KIF4A: variants seen among roughly 807,000 people sequenced by gnomAD.
The protein encoded by KIF4A is chromosome-associated kinesin KIF4A.
In KIF4A, 7 loss-of-function variants were observed where a neutral mutation model predicts 105.9. That is an observed-to-expected ratio of 0.07 (90% confidence interval 0.04 to 0.12). KIF4A has a LOEUF of 0.12. KIF4A is among the 10% of genes least tolerant of loss of function. The pLI is 1.00. For synonymous variants in KIF4A, 281 were observed against 331.3 expected, an observed-to-expected ratio of 0.85 and a Z score of 1.65; for missense variants, 558 against 929.2, an observed-to-expected ratio of 0.60 and a Z score of 5.19.
At chrX:70,357,901 T>G (rs1250964246) in intron 15 of KIF4A, among the ~76,000 whole-genome samples, 1 of 110,930 alleles carries the variant, frequency 9.0e-6, no homozygotes, top group East Asian at 2.8e-4. Flanking sequence ...GTTTTTTTGT[T>G]GTTGTTGTTA....
At chrX:70,383,297 G>A (rs1447558668) in intron 18 of KIF4A, among the ~76,000 whole-genome samples, 1 of 111,565 alleles carries the variant, frequency 9.0e-6, no homozygotes, top group East Asian at 2.8e-4. Flanking sequence ...TTTGCCATCA[G>A]AGAAATACAA....
Position 70,333,670 on chromosome X carries a change from A to G in KIF4A, c.1114A>G (p.Thr372Ala). ...QVLLLQAHGG[T>A]LPGSITVEPS... ...CTTGTTGCTACAGGCCCATGGAGGT[A>G]CCCTGCCTGGATCTATAACGTAAGA... Residue 372 changes from threonine (T) to alanine (A), a missense_variant, in exon 10 of 31, where the codon ACC (threonine) becomes GCC (alanine). Physicochemically the swap from Thr to Ala is moderately conservative, Grantham distance 58 (BLOSUM62 0). Coordinates refer to ENST00000374403, the MANE Select transcript of KIF4A (RefSeq NM_012310.5). 1.7e-6 allele frequency: 2 copies of G among 1,187,160 alleles called. No individual in the cohort carries two copies. Among genetic ancestry groups the G allele is most frequent in the Non-Finnish European group, 2.3e-6 (2 of 873,532 alleles).
At chrX:70,385,820 A>G (rs967294996) in intron 18 of KIF4A, among the ~76,000 whole-genome samples, 7 of 112,203 alleles carry the variant, frequency 6.2e-5, no homozygotes, top group African/African-American at 9.7e-5. Flanking sequence ...GGTATTCTTT[A>G]TCTTTAATCT....
chrX:70,354,770 T>C (rs1185491114), intron 15 of KIF4A, among the ~76,000 whole-genome samples: 4 of 111,166 alleles, frequency 3.6e-5, no homozygotes, highest in Non-Finnish European at 7.6e-5. Flanking sequence ...TTCCAGGGGA[T>C]CCCCCAGGGC....
chrX:70,387,405 A>G (rs1296029003), intron 20 of KIF4A, 108 bp downstream of exon 20: 17 of 534,583 alleles, frequency 3.2e-5, no homozygotes, highest in Non-Finnish European at 3.9e-5. Flanking sequence ...TGCAAAATCT[A>G]AAGTTCTACT....
chrX:70,407,225 A>T lies in KIF4A; in HGVS notation c.3255+150A>T, dbSNP rs926392823. On this transcript the variant is annotated intron_variant, in intron 28 of 30. Transcript: ENST00000374403. ...CAAGTTCAAGTAATTCTCGTGTCTC[A>T]GCCTCCTGAGTACCTGGGATCACAG... 7 of 589,613 alleles carry T rather than the reference A, an allele frequency of 1.2e-5. No individual in the cohort carries two copies. The African/African-American group carries it at 1.6e-4, about 14-fold the overall frequency. 48.6% of individuals were successfully genotyped at this position (589,613 alleles called of 1,213,427 possible).
chrX:70,392,837 T>TATA (rs1230666849), intron 20 of KIF4A, among the ~76,000 whole-genome samples: 1,449 of 104,591 alleles, frequency 0.014, 29 homozygotes, highest in African/African-American at 0.046. Flanking sequence ...ACTCTGATCT[T>TATA]ATAATAATAA....
intron 15 of KIF4A, among the ~76,000 whole-genome samples, chrX:70,357,844 G>A (rs984773447): frequency 6.3e-5 from 7 of 110,921 alleles, no homozygotes; most frequent in African/African-American, 1.3e-4. Flanking sequence ...ATTGTCCCCA[G>A]GTGTTACTTA....
chrX:70,352,839 C>T (rs2086036584), intron 14 of KIF4A, among the ~76,000 whole-genome samples, 183 bp downstream of exon 14: 1 of 112,059 alleles, frequency 8.9e-6, no homozygotes, highest in Admixed American at 9.5e-5. Flanking sequence ...GGCTCTACCA[C>T]TAATAGTATA....
At chrX:70,362,413 T>A (rs1057486480) in intron 15 of KIF4A, 1 of 179,445 alleles carries the variant, frequency 5.6e-6, no homozygotes, top group Non-Finnish European at 1.1e-5. Context: ...CCCATTGTAT[T>A]CCTAACTCTA....
intron 15 of KIF4A, among the ~76,000 whole-genome samples, chrX:70,354,411 G>A (rs1417338767): frequency 4.5e-5 from 5 of 112,269 alleles, no homozygotes; most frequent in Non-Finnish European, 1.9e-5. Flanking sequence ...TTGTTTTCCT[G>A]TCCAGCTATA....
intron 7 of KIF4A, among the ~76,000 whole-genome samples, chrX:70,319,628 C>T (rs1463501186): frequency 8.9e-6 from 1 of 111,779 alleles, no homozygotes; most frequent in South Asian, 3.7e-4. Flanking sequence ...ACTATTCTTA[C>T]GTAACTTGTA....
Position 70,375,279 on chromosome X carries a change from G to A in KIF4A, c.1854G>A (p.Glu618=). Residue 618 remains glutamate, a synonymous_variant, in exon 17 of 31, where the codon GAG becomes GAA. Transcript: ENST00000374403. ...QIADLKKKLN[E]QSKLLKLKES... ...CTGATCTGAAGAAGAAACTGAATGA[G>A]CAGTCCAAACTTCTGAAACTAAAGG... The A allele has an allele frequency of 3.3e-6, 4 of 1,210,868 alleles. No homozygotes were observed. The South Asian group carries it at 7.0e-5, about 21-fold the overall frequency.
At chrX:70,400,750 ATAATAGG>A (rs2086278138) in intron 22 of KIF4A, among the ~76,000 whole-genome samples, 1 of 111,530 alleles carries the variant, frequency 9.0e-6, no homozygotes, top group Non-Finnish European at 1.9e-5. Flanking sequence ...TATGTAATGT[ATAATAGG>A]TTTATGTTTT....
At chrX:70,325,826 A>G (rs1202058320) in intron 7 of KIF4A, among the ~76,000 whole-genome samples, 2 of 109,308 alleles carry the variant, frequency 1.8e-5, no homozygotes, top group African/African-American at 6.7e-5. Context: ...TTTCTACTCC[A>G]TTAATAATAA....
chrX:70,290,304 C>T lies in KIF4A; in HGVS notation c.-21-134C>T, dbSNP rs753987532. 6 of 783,847 alleles carry T rather than the reference C, an allele frequency of 7.7e-6. No homozygotes were observed. The East Asian group carries it at 2.0e-4, about 26-fold the overall frequency. 64.6% of individuals were successfully genotyped at this position (783,847 alleles called of 1,213,427 possible). ...GTGCAGGGCTGACGGGCGGTCCAGC[C>T]CTGGCCAAGTCATGGAGCGTGAATC... On this transcript the variant is annotated intron_variant, in intron 1 of 30. Transcript: ENST00000374403.
At chrX:70,356,902 A>G (rs2086053857) in intron 15 of KIF4A, among the ~76,000 whole-genome samples, 1 of 112,254 alleles carries the variant, frequency 8.9e-6, no homozygotes, top group Non-Finnish European at 1.9e-5. Flanking sequence ...TTACATAAAT[A>G]TGTTTAAAAT....
At chrX:70,405,239 G>A (rs935379784) in intron 25 of KIF4A, among the ~76,000 whole-genome samples, 9 of 111,648 alleles carry the variant, frequency 8.1e-5, no homozygotes, top group Non-Finnish European at 1.3e-4. Flanking sequence ...CCAGAGGCTA[G>A]GAACACCACA....
rs192200897 is a variant in KIF4A, at chrX:70,403,405, A to C, written c.2620-459A>C. ...AGGCCAGTGTAGGATATGTAGCCTGAAGAGCCAGATCTGCAGTCTCAGTCT... is the reference window on the plus strand; with the variant it reads ...AGGCCAGTGTAGGATATGTAGCCTGCAGAGCCAGATCTGCAGTCTCAGTCT... On this transcript the variant is annotated intron_variant, in intron 23 of 30. Coordinates refer to ENST00000374403, the MANE Select transcript of KIF4A (RefSeq NM_012310.5). Among the ~76,000 whole-genome samples, 4 of 112,711 alleles carry C rather than the reference A, an allele frequency of 3.5e-5. No individual in the cohort carries two copies. In the Admixed American group the frequency reaches 3.8e-4, roughly 11 times the overall value.
Sources: allele counts gnomAD v4.1 joint callset (sites outside exome capture counted in the v4.1 genomes callset), GRCh38; gene constraint gnomAD v4.1.1; transcripts MANE v1.5; gene names NCBI Gene and HGNC (gene_info 2026-07-23, HGNC 2026-07-21).